The following BRWD1 variants were observed in gnomAD, a reference collection of about 807,000 sequenced individuals.
The protein encoded by BRWD1 is bromodomain and WD repeat domain containing 1.
In BRWD1, 82 loss-of-function variants were observed where a neutral mutation model predicts 251.2. The observed-to-expected ratio is 0.33, with a 90% CI of 0.27 to 0.39. The LOEUF (loss-of-function observed/expected upper bound fraction) is 0.39. BRWD1 is among the 10% of genes least tolerant of loss of function. BRWD1 has a pLI of 1.00. For synonymous variants in BRWD1, 918 were observed against 902.8 expected (o/e 1.02, Z -0.30); for missense variants, 2,233 against 2,711.6 (o/e 0.82, Z 3.92).
At chr21:39,292,207 C>T (rs1322542567) in intron 8 of BRWD1, among the ~76,000 whole-genome samples, 1 of 149,490 alleles carries the variant, frequency 6.7e-6, no homozygotes, top group African/African-American at 2.5e-5. Flanking sequence ...CCACCTCAGC[C>T]TCCCTAAAGT....
Position 39,199,480 on chromosome 21 carries a change from C to T in BRWD1, c.4936G>A (p.Val1646Ile), listed in dbSNP as rs774771401. ...AANKIKLMSD[V>I]EENSSSESVC... is the part of the protein sequence containing the mutation. ...CTTTCAGAGCTAGAATTCTCTTCTA[C>T]ATCACTCATTAGCTTTATTTTATTG... The change falls in exon 40 of 41, where the codon GTA becomes ATA. Residue 1646 changes from valine to isoleucine, a missense_variant. This residue lies in a region of BRWD1 where 928 missense variants were observed against 970.0 expected (regional missense o/e 0.96). Transcript: ENST00000342449. 6.2e-6 allele frequency: 10 copies of T among 1,614,100 alleles called. No individual in the cohort carries two copies. In the African/African-American group the frequency reaches 8.0e-5, roughly 13 times the overall value.
At chr21:39,241,383 G>A (rs1388198605) in intron 21 of BRWD1, among the ~76,000 whole-genome samples, 6 of 140,776 alleles carry the variant, frequency 4.3e-5, no homozygotes, top group East Asian at 4.5e-4. Context: ...CAGGAGAATC[G>A]CTTGAACCCA....
At chr21:39,253,276 G>A (rs893832232) in intron 19 of BRWD1, among the ~76,000 whole-genome samples, 1 of 56,132 alleles carries the variant, frequency 1.8e-5, no homozygotes, top group Non-Finnish European at 3.2e-5. Context: ...TGACAAAAGC[G>A]AAACTGTCTC....
rs889230358 is a variant in BRWD1, at chr21:39,185,964, CTTCT to C, written c.*10291_*10294del. 1.3e-5 allele frequency: 2 copies of C among 152,126 alleles called. No individual in the cohort carries two copies. The highest frequency in any genetic ancestry group is 1.9e-4 in the East Asian group (1 of 5,204). The allele number at this position is 152,126 out of a possible 1,614,324, so 9.4% of individuals were successfully genotyped here. On this transcript the variant is annotated 3_prime_UTR_variant, in exon 41 of 41. Coordinates refer to ENST00000342449, the MANE Select transcript of BRWD1 (RefSeq NM_033656.4). ...CAAATTAAATCCTATTGTAAATACA[CTTCT>C]TTGTTATACCACGACCAAATTTTCT...
At chr21:39,262,444 C>T (rs1333133315) in intron 17 of BRWD1, among the ~76,000 whole-genome samples, 1 of 152,194 alleles carries the variant, frequency 6.6e-6, no homozygotes, top group Non-Finnish European at 1.5e-5. Context: ...TGGCCAAGCG[C>T]GGAGCCTCAT....
chr21:39,257,696 T>A (rs140311735), intron 18 of BRWD1, among the ~76,000 whole-genome samples: 1 of 152,274 alleles, frequency 6.6e-6, no homozygotes, highest in East Asian at 1.9e-4. Context: ...TATGGTTATG[T>A]AAGAGAATAT....
chr21:39,258,081 G>T (rs2034619699), intron 18 of BRWD1, among the ~76,000 whole-genome samples: 2 of 152,092 alleles, frequency 1.3e-5, no homozygotes, highest in South Asian at 4.1e-4. Flanking sequence ...TACTTTTAAG[G>T]ACTCAACACT....
At chr21:39,254,316 T>A (rs2034493331) in intron 19 of BRWD1, among the ~76,000 whole-genome samples, 1 of 152,282 alleles carries the variant, frequency 6.6e-6, no homozygotes, top group Admixed American at 6.5e-5. Context: ...GCTGCTTAAT[T>A]TCAGATATAG....
chr21:39,226,607 A>G (rs1167074804), intron 27 of BRWD1, among the ~76,000 whole-genome samples: 2 of 152,230 alleles, frequency 1.3e-5, no homozygotes, highest in African/African-American at 4.8e-5. Flanking sequence ...GAACACAACT[A>G]TACAACCTGC....
chr21:39,192,934 A>T lies in BRWD1; in HGVS notation c.*3325T>A, dbSNP rs1413604235. Reference sequence around the variant, plus strand: ...AATTGTTTTCTGATTCTTCTACAAAAAAAAAAGTCTAGAAGACAGAGGGAA... The same window carrying T: ...AATTGTTTTCTGATTCTTCTACAAATAAAAAAGTCTAGAAGACAGAGGGAA... On this transcript the variant is annotated 3_prime_UTR_variant, in exon 41 of 41. Coordinates refer to ENST00000342449, the MANE Select transcript of BRWD1 (RefSeq NM_033656.4). 2.0e-6 allele frequency: 2 copies of T among 984,078 alleles called. No homozygotes were observed. The highest frequency in any genetic ancestry group is 2.4e-6 in the Non-Finnish European group (2 of 828,916). 61.0% of individuals were successfully genotyped at this position (984,078 alleles called of 1,614,324 possible).
Position 39,187,546 on chromosome 21 carries a change from T to G in BRWD1, c.*8713A>C. On this transcript the variant is annotated 3_prime_UTR_variant, in exon 41 of 41. Coordinates refer to ENST00000342449, the MANE Select transcript of BRWD1 (RefSeq NM_033656.4). Reference sequence around the variant, plus strand: ...AAAAGTCATATTGCTAAATGATAAATTTTAAAATGTGATACTAAGGGCTTC... The same window carrying G: ...AAAAGTCATATTGCTAAATGATAAAGTTTAAAATGTGATACTAAGGGCTTC... 1.4e-6 allele frequency: 2 copies of G among 1,397,056 alleles called. No homozygotes were observed. The highest frequency in any genetic ancestry group is 1.8e-6 in the Non-Finnish European group (2 of 1,081,734). 86.5% of individuals were successfully genotyped at this position (1,397,056 alleles called of 1,614,324 possible). A position where few individuals can be genotyped will look rare whatever the true frequency, so the allele number is the denominator to read the frequency against.
intron 8 of BRWD1, among the ~76,000 whole-genome samples, chr21:39,290,159 T>C (rs973574463): frequency 2.0e-5 from 3 of 152,072 alleles, no homozygotes; most frequent in African/African-American, 7.2e-5. Context: ...ACTAATTCTC[T>C]CTTCAGTTTC....
In BRWD1 at chr21:39,186,136, CTAAAAATATGACTGTT is replaced by C. The variant is rs2031216752; in HGVS notation, c.*10107_*10122del. 2.0e-5 allele frequency: 3 copies of C among 152,098 alleles called. No homozygotes were observed. Among genetic ancestry groups the C allele is most frequent in the African/African-American group, 7.2e-5 (3 of 41,416 alleles). The allele number at this position is 152,098 out of a possible 1,614,324, so 9.4% of individuals were successfully genotyped here. A position where few individuals can be genotyped will look rare whatever the true frequency, so the allele number is the denominator to read the frequency against. On this transcript the variant is annotated 3_prime_UTR_variant, in exon 41 of 41. Coordinates refer to ENST00000342449, the MANE Select transcript of BRWD1 (RefSeq NM_033656.4). ...AGAAACATAAAAGATTTCACTGTAT[CTAAAAATATGACTGTT>C]TTGATCTTAAGCTATACATTTTATT...
In BRWD1 at chr21:39,193,762, T is replaced by C; in HGVS notation, c.*2497A>G. On this transcript the variant is annotated 3_prime_UTR_variant, in exon 41 of 41. Transcript: ENST00000342449. ...TAAACATTAAAGTACACCTGTGCAT[T>C]AAATCCCTGGGCATTTTGCATAACG... is the stretch of plus-strand genomic sequence containing the variant. The C allele has an allele frequency of 1.2e-5, 12 of 985,584 alleles. No individual in the cohort carries two copies. Among genetic ancestry groups the C allele is most frequent in the Non-Finnish European group, 1.4e-5 (12 of 829,710 alleles). The allele number at this position is 985,584 out of a possible 1,614,324, so 61.1% of individuals were successfully genotyped here. A position where few individuals can be genotyped will look rare whatever the true frequency, so the allele number is the denominator to read the frequency against.
chr21:39,311,958 T>C (rs2036498783), intron 4 of BRWD1, among the ~76,000 whole-genome samples: 1 of 152,202 alleles, frequency 6.6e-6, no homozygotes, highest in East Asian at 1.9e-4. Context: ...ACTCAGAAGC[T>C]CTTTTCTTTC....
At chr21:39,228,626 G>T (rs1011466106) in intron 26 of BRWD1, 44 bp from the exon 27 acceptor site, 11 of 1,134,444 alleles carry the variant, frequency 9.7e-6, no homozygotes, top group Non-Finnish European at 1.5e-5. Flanking sequence ...TACATAGCAG[G>T]TTATATAGTC....
At chr21:39,301,828 G>C (rs1197366769) in intron 4 of BRWD1, among the ~76,000 whole-genome samples, 1 of 148,630 alleles carries the variant, frequency 6.7e-6, no homozygotes, top group African/African-American at 2.5e-5. Flanking sequence ...TTTCAAAGGA[G>C]CAATAAGACT....
intron 21 of BRWD1, among the ~76,000 whole-genome samples, chr21:39,242,413 A>C (rs1601363483): frequency 6.6e-6 from 1 of 152,334 alleles, no homozygotes; most frequent in Middle Eastern, 3.4e-3. Flanking sequence ...AGAAGAAAAG[A>C]TGGAAACTTG....
At chr21:39,274,217 C>T (rs888458482) in intron 13 of BRWD1, among the ~76,000 whole-genome samples, 157 bp downstream of exon 13, 1 of 152,100 alleles carries the variant, frequency 6.6e-6, no homozygotes, top group African/African-American at 2.4e-5. Context: ...ATATGCAGTA[C>T]GCAGCTATTC....
Sources: gnomAD v4.1 joint callset for allele counts (sites outside exome capture counted in the v4.1 genomes callset) on GRCh38, gnomAD v4.1.1 for gene constraint, gnomAD v4.1.1 regional missense constraint, MANE v1.5 for transcripts, NCBI Gene and HGNC (gene_info 2026-07-23, HGNC 2026-07-21) for gene names.